Variants in SHC2 observed in about 807,000 individuals in gnomAD.
SHC2 encodes SHC-transforming protein 2.
In SHC2, 62 loss-of-function variants were observed where a neutral mutation model predicts 60.6. The observed-to-expected ratio is 1.02, with a 90% CI of 0.83 to 1.26. SHC2 has a LOEUF of 1.26. Ranked by LOEUF, SHC2 falls within the 50% of genes most tolerant of loss-of-function variation. The pLI is 0.00. For missense variants in SHC2, 873 were observed against 822.2 expected, an observed-to-expected ratio of 1.06 and a Z score of -0.76; for synonymous variants, 375 against 372.4, an observed-to-expected ratio of 1.01 and a Z score of -0.08.
chr19:432,993 C>T (rs1475711504), intron 8 of SHC2, among the ~76,000 whole-genome samples: 3 of 5,626 alleles, frequency 5.3e-4, no homozygotes. Flanking sequence ...AGATAGATGG[C>T]GCTTCATCGT....
intron 9 of SHC2, among the ~76,000 whole-genome samples, chr19:429,275 C>T (rs1294338760): frequency 6.8e-6 from 1 of 147,308 alleles, no homozygotes; most frequent in Admixed American, 6.9e-5. Flanking sequence ...AACCTCATAC[C>T]GTGTGGATGA....
At chr19:436,575 T>G in intron 5 of SHC2, 55 bp downstream of exon 5, 1 of 1,589,004 alleles carries the variant, frequency 6.3e-7, no homozygotes, top group Non-Finnish European at 8.6e-7. Flanking sequence ...TGAGAGGGTC[T>G]CGCGGCCGGA....
chr19:434,276 G>A (rs1974651145), intron 8 of SHC2, among the ~76,000 whole-genome samples: 1 of 140,538 alleles, frequency 7.1e-6, no homozygotes, highest in Admixed American at 7.1e-5. Context: ...TCATGAGTGA[G>A]ATCATGAGTG....
Position 460,968 on chromosome 19 carries a change from G to T in SHC2, c.29C>A (p.Pro10His). The change falls in exon 1 of 13, where the codon CCC (proline) becomes CAC (histidine). Residue 10 changes from proline to histidine, a missense_variant. Physicochemically the swap from Pro to His is moderately conservative, Grantham distance 77 (BLOSUM62 -2). Coordinates refer to ENST00000264554, the MANE Select transcript of SHC2 (RefSeq NM_012435.3). ...CTCGGGGGGCGCGGGGGGCGCCGGG[G>T]GCGCGCGCCCGCCCGGACCCTGCGT... MTQGPGGRA[P>H]PAPPAPPEPE... The T allele has an allele frequency of 1.0e-6, 1 of 981,848 alleles. No individual in the cohort carries two copies. The highest frequency in any genetic ancestry group is 1.2e-6 in the Non-Finnish European group (1 of 827,034). The allele number at this position is 981,848 out of a possible 1,614,324, so 60.8% of individuals were successfully genotyped here. A position where few individuals can be genotyped will look rare whatever the true frequency, so the allele number is the denominator to read the frequency against.
intron 4 of SHC2, among the ~76,000 whole-genome samples, chr19:437,200 T>A (rs1217135609): frequency 6.6e-6 from 1 of 151,488 alleles, no homozygotes; most frequent in African/African-American, 2.4e-5. Flanking sequence ...GCTCATCTAC[T>A]TGCTCGTTTG....
chr19:419,892 G>GCA (rs1170078109), intron 11 of SHC2: 3 of 152,250 alleles, frequency 2.0e-5, no homozygotes, highest in African/African-American at 7.2e-5. Context: ...GGGGCCCTGT[G>GCA]CACATTTCAC....
At position 422,857 on chromosome 19, in the gene SHC2, A is replaced by G. The variant is rs1474545654; in HGVS notation, c.1310-401T>C. On this transcript the variant is annotated intron_variant, in intron 10 of 12. Transcript: ENST00000264554. The surrounding 1 kb of genome is among the most constrained non-coding windows in gnomAD (Gnocchi z 5.0). ...CAATGTGCCCTAAATACTCAAGACG[A>G]CAGCCGGCACCCCTCTCTTGCCCCT... is the stretch of plus-strand genomic sequence containing the variant. The G allele has an allele frequency of 5.9e-6, 1 of 170,806 alleles. No individual in the cohort carries two copies. Among genetic ancestry groups the G allele is most frequent in the East Asian group, 1.7e-4 (1 of 5,894 alleles). 10.6% of individuals were successfully genotyped at this position (170,806 alleles called of 1,614,324 possible).
chr19:422,775 CA>C lies in SHC2; in HGVS notation c.1310-320del, dbSNP rs1239614420. On this transcript the variant is annotated intron_variant, in intron 10 of 12. Coordinates refer to ENST00000264554, the MANE Select transcript of SHC2 (RefSeq NM_012435.3). This position sits in a 1 kb window ranked among gnomAD's most constrained non-coding sequence, Gnocchi z 5.0. ...TGCCTTGTCAGGTGGGCTTCCTTCC[CA>C]AAGCGTACGCCTCTCGTTTCCTTGT... 3.7e-6 allele frequency: 1 copy of C among 269,072 alleles called. No homozygotes were observed. The highest frequency in any genetic ancestry group is 2.2e-5 in the African/African-American group (1 of 45,266). The allele number at this position is 269,072 out of a possible 1,614,324, so 16.7% of individuals were successfully genotyped here.
At position 425,064 on chromosome 19, in the gene SHC2, G is replaced by T; in HGVS notation, c.1309+33C>A. On this transcript the variant is annotated intron_variant, in intron 10 of 12. Coordinates refer to ENST00000264554, the MANE Select transcript of SHC2 (RefSeq NM_012435.3). The surrounding 1 kb of genome is among the most constrained non-coding windows in gnomAD (Gnocchi z 4.1). The stretch of plus-strand genomic sequence containing the variant: ...CCCCCATCAGACAACACGGCCACAC[G>T]CGATGACGGCCGCCCCCCAGGCTGC... 1 of 1,355,618 alleles carries T rather than the reference G, an allele frequency of 7.4e-7. No homozygotes were observed. Among genetic ancestry groups the T allele is most frequent in the Non-Finnish European group, 9.6e-7 (1 of 1,045,056 alleles). The allele number at this position is 1,355,618 out of a possible 1,614,324, so 84.0% of individuals were successfully genotyped here.
chr19:435,959 A>G, intron 7 of SHC2: 1 of 574,034 alleles, frequency 1.7e-6, no homozygotes, highest in South Asian at 2.2e-5. Context: ...GTCCTCCCCA[A>G]TCCTGGGGGG....
chr19:434,723 T>G lies in SHC2; in HGVS notation c.1096A>C (p.Thr366Pro). Reference sequence around the variant, plus strand: ...CAGAGGCTGACCTGGTCGAGGGCCGTGAGGGCGCAGGGCTGTGTCAGGGCC... The same window carrying G: ...CAGAGGCTGACCTGGTCGAGGGCCGGGAGGGCGCAGGGCTGTGTCAGGGCC... ...RLALTQPCAL[T>P]ALDQGPSPSL... is the part of the protein sequence containing the mutation. Residue 366 changes from threonine (T) to proline (P), a missense_variant, in exon 8 of 13, where the codon ACG becomes CCG. By Grantham distance (38) the Thr-to-Pro change is conservative. Transcript: ENST00000264554. 6.2e-7 allele frequency: 1 copy of G among 1,610,578 alleles called. No homozygotes were observed. Among genetic ancestry groups the G allele is most frequent in the East Asian group, 2.2e-5 (1 of 44,742 alleles).
At position 425,263 on chromosome 19, in the gene SHC2, C is replaced by G. The variant is rs1600277029; in HGVS notation, c.1175-32G>C. The G allele has an allele frequency of 7.6e-7, 1 of 1,312,402 alleles. No individual in the cohort carries two copies. Among genetic ancestry groups the G allele is most frequent in the Non-Finnish European group, 9.8e-7 (1 of 1,022,948 alleles). The allele number at this position is 1,312,402 out of a possible 1,614,324, so 81.3% of individuals were successfully genotyped here. A position where few individuals can be genotyped will look rare whatever the true frequency, so the allele number is the denominator to read the frequency against. On this transcript the variant is annotated intron_variant, in intron 9 of 12. Coordinates refer to ENST00000264554, the MANE Select transcript of SHC2 (RefSeq NM_012435.3). The surrounding 1 kb of genome is among the most constrained non-coding windows in gnomAD (Gnocchi z 4.1). The stretch of plus-strand genomic sequence containing the variant: ...AGTGTAAAGAGGGGCAGGGGGTCAG[C>G]TGGGAGCCAGGCGAGGGGCTCGCAG...
chr19:418,250 C>T lies in SHC2; in HGVS notation c.*5+673G>A, dbSNP rs369001397. Among the ~76,000 whole-genome samples the T allele has an allele frequency of 9.8e-5, 15 of 152,350 alleles. No individual in the cohort carries two copies. In the East Asian group the frequency reaches 2.5e-3, roughly 25 times the overall value. On this transcript the variant is annotated intron_variant, in intron 12 of 12. Coordinates refer to ENST00000264554, the MANE Select transcript of SHC2 (RefSeq NM_012435.3). ...AGCCCACCGTCCTCTCCGGCAGTGC[C>T]CACCCCTCCTCTGGGAAGGAGGCCT...
At chr19:430,526 A>G (rs1239469781) in intron 9 of SHC2, among the ~76,000 whole-genome samples, 158 bp downstream of exon 9, 1 of 152,222 alleles carries the variant, frequency 6.6e-6, no homozygotes, top group African/African-American at 2.4e-5. Context: ...ACAGACACTG[A>G]TGATGAAAAT....
chr19:459,437 G>C (rs914269397), intron 1 of SHC2, among the ~76,000 whole-genome samples: 21 of 129,958 alleles, frequency 1.6e-4, no homozygotes, highest in African/African-American at 5.5e-4. Context: ...GGACCCCACT[G>C]AACCCAGCGT....
rs113518755 is a variant in SHC2, at chr19:439,580, C to T, written c.540-550G>A. ...CCTGAAGGGGCCCCGGAAATGTCGGCGTCACGTGGAGAAACCAGATCCCCC... is the reference window on the plus strand; with the variant it reads ...CCTGAAGGGGCCCCGGAAATGTCGGTGTCACGTGGAGAAACCAGATCCCCC... On this transcript the variant is annotated intron_variant, in intron 2 of 12. Coordinates refer to ENST00000264554, the MANE Select transcript of SHC2 (RefSeq NM_012435.3). 1.1e-3 allele frequency: 169 copies of T among 154,172 alleles called. 3 individuals are homozygous for T. The East Asian group carries it at 0.012, about 11-fold the overall frequency. The allele number at this position is 154,172 out of a possible 1,614,324, so 9.6% of individuals were successfully genotyped here. A position where few individuals can be genotyped will look rare whatever the true frequency, so the allele number is the denominator to read the frequency against.
Position 419,031 on chromosome 19 carries a change from TC to T in SHC2, c.1645del (p.Glu549ArgfsTer6). 1 of 1,586,694 alleles carries T rather than the reference TC, an allele frequency of 6.3e-7. No individual in the cohort carries two copies. Among genetic ancestry groups the T allele is most frequent in the Non-Finnish European group, 8.6e-7 (1 of 1,166,764 alleles). On this transcript the variant is annotated frameshift_variant, in exon 12 of 13. Transcript: ENST00000264554. LOFTEE classifies it high-confidence loss of function. ...GVVRTKDVLF[E>X]SISHLIDHHL... The stretch of plus-strand genomic sequence containing the variant: ...GTGGTCGATCAGGTGGCTGATGCTC[TC>T]AAACAGCACGTCCTTCGTCCGTACC...
intron 1 of SHC2, among the ~76,000 whole-genome samples, chr19:459,460 C>G (rs1335059279): frequency 6.9e-6 from 1 of 144,998 alleles, no homozygotes; most frequent in Non-Finnish European, 1.5e-5. Flanking sequence ...GGGGAAGGAC[C>G]CCTCTCAACT....
chr19:428,932 G>T (rs961277923), intron 9 of SHC2, among the ~76,000 whole-genome samples: 1 of 149,188 alleles, frequency 6.7e-6, no homozygotes, highest in East Asian at 2.0e-4. Flanking sequence ...ACCTCATACC[G>T]TGTGGATGAC....
Sources: allele counts gnomAD v4.1 joint callset (sites outside exome capture counted in the v4.1 genomes callset), GRCh38; gene constraint gnomAD v4.1.1; non-coding constraint Gnocchi (gnomAD v3.1); transcripts MANE v1.5; gene names NCBI Gene and HGNC (gene_info 2026-07-23, HGNC 2026-07-21).